The following PCDHGA1 variants were observed in gnomAD, a reference collection of about 807,000 sequenced individuals.
PCDHGA1 encodes the protein protocadherin gamma-A1.
Under a neutral mutation model 58.0 loss-of-function variants are expected in PCDHGA1, and 32 were observed. The ratio of observed to expected loss-of-function variants is 0.55; its 90% CI spans 0.42 to 0.74. PCDHGA1 has a LOEUF of 0.74. PCDHGA1 is among the 30% of genes least tolerant of loss of function. The pLI, the probability that PCDHGA1 is intolerant of heterozygous loss-of-function variation, is 0.00. For synonymous variants in PCDHGA1, 498 were observed against 501.1 expected (o/e 0.99, Z 0.08); for missense variants, 1,205 against 1,182.3 (o/e 1.02, Z -0.28).
Position 141,394,314 on chromosome 5 carries a change from CT to C in PCDHGA1, c.2421+61210del, listed in dbSNP as rs772070804. On this transcript the variant is annotated intron_variant, in intron 1 of 3. Transcript: ENST00000517417. ...CGAGGACACGCTGCAGGGGGCGCCC[CT>C]GTCCTCGTATATCTCCATCAACTCT... 4.3e-6 allele frequency: 7 copies of C among 1,614,038 alleles called. 1 individual carries two copies. Among genetic ancestry groups the C allele is most frequent in the East Asian group, 4.5e-5 (2 of 44,882 alleles).
chr5:141,415,627 A>T, intron 1 of PCDHGA1: 1 of 1,598,406 alleles, frequency 6.3e-7, no homozygotes, highest in Non-Finnish European at 8.5e-7. Context: ...TTTTATTTTC[A>T]TTTTTACTTT....
chr5:141,421,188 C>T lies in PCDHGA1; in HGVS notation c.2422-73619C>T, dbSNP rs1364019876. 2.0e-6 allele frequency: 3 copies of T among 1,471,410 alleles called. No individual in the cohort carries two copies. The South Asian group carries it at 4.0e-5, about 20-fold the overall frequency. The allele number at this position is 1,471,410 out of a possible 1,614,324, so 91.1% of individuals were successfully genotyped here. A position where few individuals can be genotyped will look rare whatever the true frequency, so the allele number is the denominator to read the frequency against. The stretch of plus-strand genomic sequence containing the variant: ...GATACATAAGCCGATTCACAACCAA[C>T]CAGCTCGAGAAACCGCGGAATATCG... On this transcript the variant is annotated intron_variant, in intron 1 of 3. Coordinates refer to ENST00000517417, the MANE Select transcript of PCDHGA1 (RefSeq NM_018912.3).
rs2099068970 is a variant in PCDHGA1 at position 141,463,759 on chromosome 5, T to C, written c.2422-31048T>C. 2.0e-5 allele frequency among the ~76,000 whole-genome samples: 3 copies of C among 152,234 alleles called. No homozygotes were observed. The South Asian group carries it at 6.2e-4, about 32-fold the overall frequency. ...CCGCGCCCGGCCTGCTTCTCTTCTCTTATGGGTTAGAATCCTGCACTGTCT... is the reference window on the plus strand; with the variant it reads ...CCGCGCCCGGCCTGCTTCTCTTCTCCTATGGGTTAGAATCCTGCACTGTCT... On this transcript the variant is annotated intron_variant, in intron 1 of 3. Transcript: ENST00000517417.
At chr5:141,410,699 A>T (rs760193148) in intron 1 of PCDHGA1, 1 of 1,478,344 alleles carries the variant, frequency 6.8e-7, no homozygotes, top group East Asian at 2.3e-5. Flanking sequence ...CTTTATTTTC[A>T]TATCTAGAAT....
chr5:141,417,704 A>G, intron 1 of PCDHGA1: 2 of 1,207,460 alleles, frequency 1.7e-6, no homozygotes, highest in Non-Finnish European at 1.1e-6. Context: ...GCTCCCACAC[A>G]GAGGCTCCCG....
rs539905795 is a variant in PCDHGA1, at chr5:141,419,910, C to T, written c.2422-74897C>T. 1.5e-5 allele frequency: 25 copies of T among 1,614,086 alleles called. No individual in the cohort carries two copies. In the South Asian group the frequency reaches 2.4e-4, roughly 16 times the overall value. On this transcript the variant is annotated intron_variant, in intron 1 of 3. Coordinates refer to ENST00000517417, the MANE Select transcript of PCDHGA1 (RefSeq NM_018912.3). ...AGCGACCATCCCACACCCTCTGACT[C>T]CCAGGCTGAGATGCAGTTTTACCTG...
chr5:141,400,217 T>C (rs771117256), intron 1 of PCDHGA1: 1 of 1,613,916 alleles, frequency 6.2e-7, no homozygotes, highest in Non-Finnish European at 8.5e-7. Flanking sequence ...TTGATCTCAG[T>C]GCTCTTCCTC....
chr5:141,342,695 T>G (rs1379152551), intron 1 of PCDHGA1: 1 of 152,214 alleles, frequency 6.6e-6, no homozygotes, highest in Non-Finnish European at 1.5e-5. Context: ...CAAAGTTATT[T>G]TTAGTGTGTG....
Position 141,510,363 on chromosome 5 carries a change from G to A in PCDHGA1, c.2570-584G>A, listed in dbSNP as rs973832487. Among the ~76,000 whole-genome samples the A allele has an allele frequency of 7.8e-5, 11 of 141,564 alleles. No individual in the cohort carries two copies. In the East Asian group the frequency reaches 1.6e-3, roughly 21 times the overall value. 92.9% of individuals were successfully genotyped at this position (141,564 alleles called of 152,430 possible). The stretch of plus-strand genomic sequence containing the variant: ...CCACACACTTACTAACGGAACTACC[G>A]AATCTCTACTCGTGCCAGGCCTTGC... On this transcript the variant is annotated intron_variant, in intron 3 of 3. Coordinates refer to ENST00000517417, the MANE Select transcript of PCDHGA1 (RefSeq NM_018912.3).
chr5:141,331,308 C>G lies in PCDHGA1; in HGVS notation c.624C>G (p.His208Gln). 1.9e-6 allele frequency: 3 copies of G among 1,614,148 alleles called. No homozygotes were observed. The highest frequency in any genetic ancestry group is 2.5e-6 in the Non-Finnish European group (3 of 1,180,040). ...SPLDREEEAVHHLILTASDGG... is the reference protein window; with the variant it reads ...SPLDREEEAVQHLILTASDGG... ...TAGACAGAGAAGAAGAAGCTGTCCA[C>G]CACCTCATCCTCACAGCTTCTGATG... Residue 208 changes from histidine (H) to glutamine (Q), a missense_variant, in exon 1 of 4, where the codon CAC becomes CAG. Transcript: ENST00000517417.
intron 1 of PCDHGA1, chr5:141,340,484 ATC>A: frequency 6.2e-7 from 1 of 1,614,098 alleles, no homozygotes; most frequent in Non-Finnish European, 8.5e-7. Context: ...ATCCTCTTAC[ATC>A]TCTATCAACT....
intron 1 of PCDHGA1, chr5:141,382,950 C>T: frequency 6.2e-7 from 1 of 1,600,458 alleles, no homozygotes; most frequent in African/African-American, 1.3e-5. Context: ...TCCTGCTCTC[C>T]ATCCTCCTGG....
chr5:141,366,600 T>C, intron 1 of PCDHGA1: 2 of 1,614,036 alleles, frequency 1.2e-6, no homozygotes, highest in Non-Finnish European at 1.7e-6. Context: ...TCCCACGAGG[T>C]CTCCCTCACC....
At chr5:141,404,399 G>A in intron 1 of PCDHGA1, 2 of 1,613,896 alleles carry the variant, frequency 1.2e-6, no homozygotes, top group Non-Finnish European at 1.7e-6. Context: ...TGATAGCAAT[G>A]AGAATTCTAG....
At chr5:141,475,600 T>A (rs1023916159) in intron 1 of PCDHGA1, among the ~76,000 whole-genome samples, 2 of 152,192 alleles carry the variant, frequency 1.3e-5, no homozygotes, top group Admixed American at 1.3e-4. Context: ...TTCCAGACAA[T>A]GTTGTGTAGT....
Position 141,388,177 on chromosome 5 carries a change from A to T in PCDHGA1, c.2421+55072A>T, listed in dbSNP as rs778496978. 25 of 1,515,690 alleles carry T rather than the reference A, an allele frequency of 1.6e-5. No individual in the cohort carries two copies. The Admixed American group carries it at 4.5e-4, about 27-fold the overall frequency. 93.9% of individuals were successfully genotyped at this position (1,515,690 alleles called of 1,614,324 possible). On this transcript the variant is annotated intron_variant, in intron 1 of 3. Coordinates refer to ENST00000517417, the MANE Select transcript of PCDHGA1 (RefSeq NM_018912.3). The stretch of plus-strand genomic sequence containing the variant: ...CTAGACAGGGAGGAGATATGCGGGA[A>T]GAAGCCAGCTTGTGCTCTGGAATTT...
intron 1 of PCDHGA1, chr5:141,374,947 C>G (rs768274787): frequency 6.2e-7 from 1 of 1,613,900 alleles, no homozygotes; most frequent in African/African-American, 1.3e-5. Context: ...CAGAAAAGAT[C>G]TCACAAATTT....
intron 1 of PCDHGA1, chr5:141,419,577 C>T: frequency 3.7e-6 from 6 of 1,611,732 alleles, no homozygotes; most frequent in Non-Finnish European, 5.1e-6. Flanking sequence ...GACGGCTCCG[C>T]GCTCTTCGAC....
At chr5:141,492,578 G>A (rs1380328678) in intron 1 of PCDHGA1, among the ~76,000 whole-genome samples, 1 of 152,216 alleles carries the variant, frequency 6.6e-6, no homozygotes, top group Non-Finnish European at 1.5e-5. Flanking sequence ...CGAGGCGCGG[G>A]GCCAGGAGCG....
Sources: allele counts gnomAD v4.1 joint callset (sites outside exome capture counted in the v4.1 genomes callset), GRCh38; gene constraint gnomAD v4.1.1; transcripts MANE v1.5; gene names NCBI Gene and HGNC (gene_info 2026-07-23, HGNC 2026-07-21).